Variants in U2SURP observed in about 807,000 individuals in gnomAD.
U2SURP encodes the protein U2 snRNP associated SURP domain containing, also known as U2 snRNP-associated SURP motif-containing protein.
A neutral mutation model predicts 144.9 loss-of-function variants in U2SURP; 9 were observed. The ratio of observed to expected loss-of-function variants is 0.06; its 90% CI spans 0.04 to 0.11. The LOEUF (loss-of-function observed/expected upper bound fraction) is 0.11, where lower values mean the gene tolerates loss of function less well. Among genes scored for constraint, U2SURP ranks in the 10% least tolerant of loss-of-function variants. U2SURP has a pLI of 1.00. For synonymous variants in U2SURP, 408 were observed against 396.8 expected, an observed-to-expected ratio of 1.03 and a Z score of -0.33; for missense variants, 724 against 1,226.7, an observed-to-expected ratio of 0.59 and a Z score of 6.12.
intron 15 of U2SURP, 22 bp from the exon 16 acceptor site, chr3:143,028,461 A>C: frequency 1.2e-6 from 2 of 1,603,788 alleles, no homozygotes; most frequent in Non-Finnish European, 1.7e-6. Context: ...AGACCTTTAT[A>C]ATAACTCTAA....
chr3:143,052,898 A>G (rs902854802), intron 25 of U2SURP, among the ~76,000 whole-genome samples: 3 of 149,638 alleles, frequency 2.0e-5, no homozygotes, highest in African/African-American at 7.4e-5. Context: ...CAAAATCAGA[A>G]TTTCAAATGA....
rs549454709 is a variant in U2SURP, at chr3:143,045,153, G to A, written c.2544+1877G>A. Among the ~76,000 whole-genome samples the A allele has an allele frequency of 9.2e-5, 14 of 152,080 alleles. No homozygotes were observed. The South Asian group carries it at 2.3e-3, about 25-fold the overall frequency. On this transcript the variant is annotated intron_variant, in intron 24 of 27. Coordinates refer to ENST00000473835, the MANE Select transcript of U2SURP (RefSeq NM_001080415.2). ...TGGGAGGTCGAGGCGGGTGGATCACGAGGTCAGGAGATCGAGAATATCCTG... is the reference window on the plus strand; with the variant it reads ...TGGGAGGTCGAGGCGGGTGGATCACAAGGTCAGGAGATCGAGAATATCCTG...
chr3:143,021,394 G>T lies in U2SURP; in HGVS notation c.769+9G>T. On this transcript the variant is annotated intron_variant, in intron 9 of 27. Coordinates refer to ENST00000473835, the MANE Select transcript of U2SURP (RefSeq NM_001080415.2). The stretch of plus-strand genomic sequence containing the variant: ...AAATAGATCATCTGGTGGTAATACA[G>T]TTTTTTGCTCTTTTAATCGATAAAT... The T allele has an allele frequency of 6.2e-7, 1 of 1,605,096 alleles. No individual in the cohort carries two copies. The highest frequency in any genetic ancestry group is 8.5e-7 in the Non-Finnish European group (1 of 1,174,850).
intron 1 of U2SURP, among the ~76,000 whole-genome samples, chr3:143,003,444 T>G (rs971144629): frequency 2.0e-5 from 3 of 152,160 alleles, no homozygotes; most frequent in Middle Eastern, 3.2e-3. Flanking sequence ...ATTCCCTCAT[T>G]TGTAATGTAG....
At chr3:143,029,187 T>C (rs1933331296) in intron 16 of U2SURP, among the ~76,000 whole-genome samples, 1 of 152,184 alleles carries the variant, frequency 6.6e-6, no homozygotes, top group Admixed American at 6.5e-5. Flanking sequence ...TCAGAGGACA[T>C]CCTGTATACC....
chr3:143,005,840 C>T (rs955857882), intron 1 of U2SURP, among the ~76,000 whole-genome samples: 8 of 151,578 alleles, frequency 5.3e-5, no homozygotes, highest in Admixed American at 5.3e-4. Context: ...CTACCCTCCA[C>T]CCTTTTTTTC....
Position 143,036,122 on chromosome 3 carries a change from G to T in U2SURP, c.2064+18G>T. The T allele has an allele frequency of 6.3e-7, 1 of 1,576,880 alleles. No homozygotes were observed. The highest frequency in any genetic ancestry group is 1.4e-5 in the African/African-American group (1 of 72,980). On this transcript the variant is annotated intron_variant, in intron 20 of 27. Transcript: ENST00000473835. ...AAACAGAGGTAGGCAGTCTGTATTTGTCTGGTTGTTTTTAAAATTCGTTTC... is the reference window on the plus strand; with the variant it reads ...AAACAGAGGTAGGCAGTCTGTATTTTTCTGGTTGTTTTTAAAATTCGTTTC...
intron 24 of U2SURP, among the ~76,000 whole-genome samples, chr3:143,048,878 A>G (rs1418332737): frequency 6.6e-6 from 1 of 152,122 alleles, no homozygotes; most frequent in Admixed American, 6.5e-5. Flanking sequence ...TCAAAAAATA[A>G]TTAATTAAAA....
At chr3:143,014,595 C>T (rs1936269472) in intron 4 of U2SURP, among the ~76,000 whole-genome samples, 186 bp downstream of exon 4, 1 of 151,898 alleles carries the variant, frequency 6.6e-6, no homozygotes. Context: ...GTTCCCTCAC[C>T]CTGTTTCTTT....
intron 1 of U2SURP, among the ~76,000 whole-genome samples, chr3:143,006,894 C>T (rs187446155): frequency 9.4e-4 from 143 of 152,182 alleles, no homozygotes; most frequent in African/African-American, 3.3e-3. Flanking sequence ...AGAGGAGAAA[C>T]GTGGGAGATT....
chr3:143,055,672 T>C (rs1935115752), intron 27 of U2SURP, among the ~76,000 whole-genome samples: 1 of 152,204 alleles, frequency 6.6e-6, no homozygotes, highest in African/African-American at 2.4e-5. Context: ...TGCTAATACT[T>C]TATTATTGTA....
intron 18 of U2SURP, among the ~76,000 whole-genome samples, chr3:143,034,100 TATTATA>T (rs1258468315): frequency 2.0e-5 from 3 of 152,250 alleles, no homozygotes; most frequent in African/African-American, 7.2e-5. Flanking sequence ...TACGTTGCTG[TATTATA>T]ATTAATGTAT....
intron 8 of U2SURP, 22 bp from the exon 9 acceptor site, chr3:143,021,328 G>A: frequency 6.3e-7 from 1 of 1,575,716 alleles, no homozygotes. Flanking sequence ...ACTAATAATT[G>A]TCTTCTTTTC....
intron 11 of U2SURP, 53 bp from the exon 12 acceptor site, chr3:143,022,800 T>G: frequency 6.8e-7 from 1 of 1,475,814 alleles, no homozygotes; most frequent in Non-Finnish European, 9.0e-7. Context: ...AGAAAAATTT[T>G]GTTTGGAAAC....
intron 6 of U2SURP, among the ~76,000 whole-genome samples, chr3:143,018,889 C>T (rs2108280507): frequency 6.6e-6 from 1 of 152,250 alleles, no homozygotes; most frequent in East Asian, 1.9e-4. Flanking sequence ...CACAGCATTG[C>T]ACTCCAGCCT....
intron 24 of U2SURP, among the ~76,000 whole-genome samples, chr3:143,048,664 G>A (rs928910955): frequency 4.6e-5 from 7 of 152,084 alleles, no homozygotes; most frequent in East Asian, 1.9e-4. Context: ...TTGGGAGGCC[G>A]AGGTGGGCGG....
rs1933592368 is a variant in U2SURP, at chr3:143,033,014, T to C, written c.1773+68T>C. 3 of 1,536,678 alleles carry C rather than the reference T, an allele frequency of 2.0e-6. No homozygotes were observed. The Admixed American group carries it at 5.8e-5, about 30-fold the overall frequency. On this transcript the variant is annotated intron_variant, in intron 17 of 27. Transcript: ENST00000473835. ...TTTTGGGATTAGAATTGGTTTCCTT[T>C]TTGCACAAAGCACTTGACTGATGAG...
intron 3 of U2SURP, among the ~76,000 whole-genome samples, chr3:143,013,438 A>C (rs1936212868): frequency 6.6e-6 from 1 of 152,074 alleles, no homozygotes; most frequent in Non-Finnish European, 1.5e-5. Context: ...TTACTCTTCT[A>C]TTCTGCATCT....
intron 16 of U2SURP, among the ~76,000 whole-genome samples, chr3:143,029,443 CTG>C (rs1444940212): frequency 6.6e-6 from 1 of 152,146 alleles, no homozygotes; most frequent in Non-Finnish European, 1.5e-5. Context: ...ATTATTGTAT[CTG>C]TTATGGTGAT....
Sources: allele counts gnomAD v4.1 joint callset (sites outside exome capture counted in the v4.1 genomes callset), GRCh38; gene constraint gnomAD v4.1.1; transcripts MANE v1.5; gene names NCBI Gene and HGNC (gene_info 2026-07-23, HGNC 2026-07-21).